Variants in NRG3 observed in about 807,000 individuals in gnomAD.
NRG3 encodes the protein pro-neuregulin-3, membrane-bound isoform.
NRG3 carries 31 observed loss-of-function variants against 66.9 expected under a neutral mutation model. The ratio of observed to expected loss-of-function variants is 0.46; its 90% CI spans 0.35 to 0.63. NRG3 has a LOEUF of 0.63. NRG3 is among the 20% of genes least tolerant of loss of function. The pLI, the probability that NRG3 is intolerant of heterozygous loss-of-function variation, is 0.00. For missense variants in NRG3, 910 were observed against 878.9 expected (o/e 1.04, Z -0.45); for synonymous variants, 393 against 359.4 (o/e 1.09, Z -1.06).
chr10:82,050,080 T>G (rs1303840293), intron 1 of NRG3, among the ~76,000 whole-genome samples: 1 of 151,992 alleles, frequency 6.6e-6, no homozygotes, highest in Non-Finnish European at 1.5e-5. Flanking sequence ...TGAACAGATA[T>G]GCTAAGATGG....
chr10:82,981,878 G>C (rs1392048902), intron 8 of NRG3, among the ~76,000 whole-genome samples: 1 of 152,144 alleles, frequency 6.6e-6, no homozygotes, highest in African/African-American at 2.4e-5. Context: ...CACCTTAAAA[G>C]CAGATAAAAT....
At chr10:82,215,749 AT>A (rs1435472255) in intron 1 of NRG3, among the ~76,000 whole-genome samples, 4 of 152,138 alleles carry the variant, frequency 2.6e-5, no homozygotes, top group Non-Finnish European at 1.5e-5. Flanking sequence ...CATTTACAAA[AT>A]TTGATATTTC....
chr10:81,877,531 C>A (rs186221089), intron 1 of NRG3, among the ~76,000 whole-genome samples: 42 of 152,272 alleles, frequency 2.8e-4, no homozygotes, highest in African/African-American at 9.1e-4. Context: ...TTTCCCTGCC[C>A]TATGATCTTA....
intron 1 of NRG3, among the ~76,000 whole-genome samples, chr10:82,207,829 G>A (rs1004107018): frequency 1.3e-5 from 2 of 152,138 alleles, no homozygotes; most frequent in African/African-American, 2.4e-5. Context: ...ACGGCATGGG[G>A]AGAAACTGCC....
intron 4 of NRG3, among the ~76,000 whole-genome samples, chr10:82,919,256 G>T (rs550288466): frequency 6.6e-6 from 1 of 152,066 alleles, no homozygotes; most frequent in Non-Finnish European, 1.5e-5. Context: ...TTGTACATAC[G>T]TGTGCACCCT....
chr10:82,221,597 G>A (rs1243755441), intron 1 of NRG3, among the ~76,000 whole-genome samples: 1 of 152,120 alleles, frequency 6.6e-6, no homozygotes, highest in Non-Finnish European at 1.5e-5. Context: ...CAAACCTAAT[G>A]CACAACAGGG....
chr10:81,971,330 G>A (rs901786501), intron 1 of NRG3, among the ~76,000 whole-genome samples: 3 of 152,164 alleles, frequency 2.0e-5, no homozygotes, highest in African/African-American at 7.2e-5. Flanking sequence ...CATATGGGTG[G>A]TATAGAAGAT....
rs17100158 is a variant in NRG3, at chr10:82,517,158, T to C, written c.953+158290T>C. Among the ~76,000 whole-genome samples the C allele has an allele frequency of 9.6e-3, 1,460 of 152,074 alleles. 32 individuals are homozygous for C. The highest frequency in any genetic ancestry group is 0.034 in the African/African-American group (1,402 of 41,474). On this transcript the variant is annotated intron_variant, in intron 2 of 8. Transcript: ENST00000372141. Reference sequence around the variant, plus strand: ...TTTTTTTTTCAACAGAATATGGGAGTGATTTTGTCCAGTTATTCTTCTAGG... The same window carrying C: ...TTTTTTTTTCAACAGAATATGGGAGCGATTTTGTCCAGTTATTCTTCTAGG...
intron 3 of NRG3, among the ~76,000 whole-genome samples, chr10:82,820,347 T>C (rs1176051142): frequency 6.6e-6 from 1 of 152,210 alleles, no homozygotes; most frequent in Non-Finnish European, 1.5e-5. Flanking sequence ...TAATAAACTT[T>C]CAGTTTTATT....
At chr10:82,946,395 T>C (rs1022782245) in intron 4 of NRG3, among the ~76,000 whole-genome samples, 1 of 151,284 alleles carries the variant, frequency 6.6e-6, no homozygotes, top group African/African-American at 2.4e-5. Context: ...AAAAATTAGC[T>C]GGGCATGGTG....
chr10:82,042,170 C>A (rs879256718), intron 1 of NRG3, among the ~76,000 whole-genome samples: 17 of 151,702 alleles, frequency 1.1e-4, no homozygotes, highest in Non-Finnish European at 1.2e-4. Flanking sequence ...AACACGAAAC[C>A]AAAATTATAG....
intron 2 of NRG3, among the ~76,000 whole-genome samples, chr10:82,477,132 G>T (rs540604566): frequency 1.3e-5 from 2 of 152,170 alleles, no homozygotes; most frequent in South Asian, 4.2e-4. Flanking sequence ...CAAGTGTGGG[G>T]ATTCCATATG....
At chr10:82,928,741 C>T (rs1004364122) in intron 4 of NRG3, among the ~76,000 whole-genome samples, 2 of 151,984 alleles carry the variant, frequency 1.3e-5, no homozygotes, top group African/African-American at 4.8e-5. Flanking sequence ...ATAGATGTGG[C>T]TGTACTCCAA....
At chr10:82,437,088 T>C (rs1417531838) in intron 2 of NRG3, among the ~76,000 whole-genome samples, 1 of 152,128 alleles carries the variant, frequency 6.6e-6, no homozygotes, top group Non-Finnish European at 1.5e-5. Flanking sequence ...GGCCTGTCTT[T>C]CTAGGTTGGG....
At chr10:82,082,502 G>A (rs1231148098) in intron 1 of NRG3, among the ~76,000 whole-genome samples, 2 of 152,130 alleles carry the variant, frequency 1.3e-5, no homozygotes, top group East Asian at 3.9e-4. Flanking sequence ...GAAATTTGCG[G>A]TTCATAACAG....
At chr10:82,232,905 A>C in intron 1 of NRG3, 1 of 701,930 alleles carries the variant, frequency 1.4e-6, no homozygotes, top group Non-Finnish European at 2.7e-6. Context: ...TACTTTGAAT[A>C]ATTTCTCCAG....
chr10:82,901,015 T>G (rs933920867), intron 4 of NRG3, among the ~76,000 whole-genome samples: 1 of 152,170 alleles, frequency 6.6e-6, no homozygotes, highest in East Asian at 1.9e-4. Flanking sequence ...ATACAGATTT[T>G]ACCGAAATTT....
In NRG3 at chr10:81,875,354, C is replaced by T. The variant is rs1423852237; in HGVS notation, c.14C>T (p.Ala5Val). The stretch of plus-strand genomic sequence containing the variant: ...CCGGCTCCTAGGATGAGTGAAGGGG[C>T]GGCCGCTGCCTCGCCACCTGGTGCC... Reference protein sequence around the residue: MSEGAAAASPPGAAS... With the variant: MSEGVAAASPPGAAS... Residue 5 changes from alanine (A) to valine (V), a missense_variant, in exon 1 of 9, where the codon GCG becomes GTG. Coordinates refer to ENST00000372141, the MANE Select transcript of NRG3 (RefSeq NM_001010848.4). The surrounding 1 kb of genome is among the most constrained non-coding windows in gnomAD (Gnocchi z 5.3). The T allele has an allele frequency of 6.1e-6, 6 of 989,112 alleles. No individual in the cohort carries two copies. Among genetic ancestry groups the T allele is most frequent in the Non-Finnish European group, 7.2e-6 (6 of 834,040 alleles). The allele number at this position is 989,112 out of a possible 1,614,324, so 61.3% of individuals were successfully genotyped here. A position where few individuals can be genotyped will look rare whatever the true frequency, so the allele number is the denominator to read the frequency against.
chr10:82,962,222 T>A (rs1426797480), intron 6 of NRG3, among the ~76,000 whole-genome samples: 10 of 152,172 alleles, frequency 6.6e-5, no homozygotes, highest in Admixed American at 5.2e-4. Flanking sequence ...TGAGTAAAGA[T>A]GAACTCACCT....
Sources: gnomAD v4.1 joint callset for allele counts (sites outside exome capture counted in the v4.1 genomes callset) on GRCh38, gnomAD v4.1.1 for gene constraint, Gnocchi (gnomAD v3.1) non-coding constraint, MANE v1.5 for transcripts, NCBI Gene and HGNC (gene_info 2026-07-23, HGNC 2026-07-21) for gene names.